KIAA1217: variants seen among roughly 807,000 people sequenced by gnomAD.
KIAA1217 encodes KIAA1217.
Under a neutral mutation model 163.9 loss-of-function variants are expected in KIAA1217, and 88 were observed. The ratio of observed to expected loss-of-function variants is 0.54; its 90% CI spans 0.45 to 0.64. The LOEUF (loss-of-function observed/expected upper bound fraction) is 0.64. Ranked by LOEUF, KIAA1217 falls within the 30% of genes least tolerant of loss-of-function variation. The pLI, the probability that KIAA1217 is intolerant of heterozygous loss-of-function variation, is 0.00. For missense variants in KIAA1217, 2,372 were observed against 2,475.0 expected (o/e 0.96, Z 0.88); for synonymous variants, 903 against 923.1 (o/e 0.98, Z 0.39).
intron 2 of KIAA1217, among the ~76,000 whole-genome samples, chr10:24,309,166 G>A (rs1240071368): frequency 7.3e-6 from 1 of 136,474 alleles, no homozygotes; most frequent in Non-Finnish European, 1.6e-5. Flanking sequence ...GGGAGGGAGG[G>A]AGGGAAGGAG....
intron 2 of KIAA1217, among the ~76,000 whole-genome samples, chr10:24,086,781 G>T (rs1442327358): frequency 6.6e-6 from 1 of 152,126 alleles, no homozygotes; most frequent in Non-Finnish European, 1.5e-5. Context: ...ATCATTATAG[G>T]CATTAAAATA....
At chr10:24,438,250 C>A in intron 4 of KIAA1217, 136 bp from the exon 5 acceptor site, 1 of 611,806 alleles carries the variant, frequency 1.6e-6, no homozygotes, top group Non-Finnish European at 3.0e-6. Flanking sequence ...GGTCACATAG[C>A]TTTTGACTGG....
intron 2 of KIAA1217, among the ~76,000 whole-genome samples, chr10:24,301,513 C>G (rs879382989): frequency 6.6e-6 from 1 of 152,118 alleles, no homozygotes; most frequent in Non-Finnish European, 1.5e-5. Flanking sequence ...CAGGGCCCCA[C>G]GCACCTTCTA....
Position 24,495,167 on chromosome 10 carries a change from C to T in KIAA1217, c.1805C>T (p.Thr602Ile), listed in dbSNP as rs2066636363. 1 of 1,612,844 alleles carries T rather than the reference C, an allele frequency of 6.2e-7. No homozygotes were observed. The highest frequency in any genetic ancestry group is 8.5e-7 in the Non-Finnish European group (1 of 1,179,736). The change falls in exon 8 of 21, where the codon ACA becomes ATA. Residue 602 changes from threonine to isoleucine, a missense_variant. Thr to Ile is a moderately conservative substitution (Grantham distance 89). This residue lies in a region of KIAA1217 where 1,431 missense variants were observed against 1,470.3 expected (regional missense o/e 0.97). Coordinates refer to ENST00000376454, the MANE Select transcript of KIAA1217 (RefSeq NM_019590.5). ...TTCAGCGAGAAAATGATGAAAACCA[C>T]AGCCAACAGGAACCACACAGATAGT... ...DASSEKMMKT[T>I]ANRNHTDSAG...
chr10:24,403,379 C>G (rs993832852), intron 3 of KIAA1217, among the ~76,000 whole-genome samples: 13 of 152,304 alleles, frequency 8.5e-5, no homozygotes, highest in Admixed American at 2.6e-4. Context: ...GCTGGGATTA[C>G]AGACATGTGC....
chr10:24,192,803 G>A (rs1272611573), intron 2 of KIAA1217, among the ~76,000 whole-genome samples: 1 of 152,182 alleles, frequency 6.6e-6, no homozygotes, highest in African/African-American at 2.4e-5. Context: ...TTTTGAGACA[G>A]GATCTCACTC....
At chr10:24,172,125 AG>A (rs1219981750) in intron 2 of KIAA1217, among the ~76,000 whole-genome samples, 2 of 152,218 alleles carry the variant, frequency 1.3e-5, no homozygotes, top group Non-Finnish European at 2.9e-5. Flanking sequence ...AATTCACACA[AG>A]GTAGTACAGA....
chr10:24,253,905 ACT>A (rs922346596), intron 2 of KIAA1217, among the ~76,000 whole-genome samples: 8 of 151,894 alleles, frequency 5.3e-5, no homozygotes, highest in Non-Finnish European at 8.8e-5. Flanking sequence ...ACAGAGTGAG[ACT>A]CTGTCTCAAA....
chr10:24,092,160 C>T (rs1360990344), intron 2 of KIAA1217, among the ~76,000 whole-genome samples: 1 of 151,584 alleles, frequency 6.6e-6, no homozygotes, highest in Non-Finnish European at 1.5e-5. Context: ...CTCTGACAAC[C>T]CTTCCCTCCC....
At chr10:23,845,451 T>A (rs1315898869) in intron 1 of KIAA1217, among the ~76,000 whole-genome samples, 3 of 152,344 alleles carry the variant, frequency 2.0e-5, no homozygotes, top group Non-Finnish European at 2.9e-5. Flanking sequence ...AGATGGTATC[T>A]CATTGTGGTT....
intron 10 of KIAA1217, among the ~76,000 whole-genome samples, chr10:24,517,815 C>T (rs186642753): frequency 4.6e-5 from 7 of 152,074 alleles, no homozygotes; most frequent in Admixed American, 1.3e-4. Flanking sequence ...GCCAACATGG[C>T]GAATCCCTAT....
At chr10:24,186,616 C>T (rs182240662) in intron 2 of KIAA1217, among the ~76,000 whole-genome samples, 9 of 152,288 alleles carry the variant, frequency 5.9e-5, no homozygotes, top group Admixed American at 5.2e-4. Flanking sequence ...TCTGGCCAGG[C>T]ACAGTGGCTC....
chr10:23,844,235 C>A (rs983982785), intron 1 of KIAA1217, among the ~76,000 whole-genome samples: 1 of 152,102 alleles, frequency 6.6e-6, no homozygotes, highest in South Asian at 2.1e-4. Flanking sequence ...GATTAGAATC[C>A]AGCTTTCTAC....
intron 1 of KIAA1217, among the ~76,000 whole-genome samples, chr10:23,728,414 A>G (rs1166743915): frequency 2.0e-5 from 3 of 152,012 alleles, no homozygotes; most frequent in Non-Finnish European, 4.4e-5. Flanking sequence ...TCTAATGACC[A>G]GTGATGATGA....
intron 2 of KIAA1217, among the ~76,000 whole-genome samples, chr10:24,089,651 C>T (rs2061848732): frequency 6.6e-6 from 1 of 151,902 alleles, no homozygotes; most frequent in Middle Eastern, 3.4e-3. Context: ...TTCCATTGGT[C>T]TGTATCTCTG....
intron 1 of KIAA1217, among the ~76,000 whole-genome samples, chr10:24,003,839 A>G (rs1846866576): frequency 6.6e-6 from 1 of 152,226 alleles, no homozygotes; most frequent in Non-Finnish European, 1.5e-5. Context: ...TATTGTTTCC[A>G]AAGTATTTTA....
At chr10:24,309,033 G>A (rs2042316202) in intron 2 of KIAA1217, among the ~76,000 whole-genome samples, 1 of 151,496 alleles carries the variant, frequency 6.6e-6, no homozygotes, top group South Asian at 2.1e-4. Flanking sequence ...TGAGGTCGGA[G>A]GATCACTTGA....
intron 2 of KIAA1217, among the ~76,000 whole-genome samples, chr10:24,222,911 T>C (rs375387045): frequency 2.2e-4 from 34 of 152,330 alleles, no homozygotes; most frequent in African/African-American, 7.7e-4. Flanking sequence ...TTCTTGATGA[T>C]ATGCTAAACA....
intron 2 of KIAA1217, among the ~76,000 whole-genome samples, chr10:24,080,161 TG>T (rs1478057314): frequency 6.6e-6 from 1 of 152,230 alleles, no homozygotes; most frequent in Non-Finnish European, 1.5e-5. Context: ...TTCTCATTTC[TG>T]TTTAAGGTTT....
Sources: gnomAD v4.1 joint callset for allele counts (sites outside exome capture counted in the v4.1 genomes callset) on GRCh38, gnomAD v4.1.1 for gene constraint, gnomAD v4.1.1 regional missense constraint, MANE v1.5 for transcripts, NCBI Gene and HGNC (gene_info 2026-07-23, HGNC 2026-07-21) for gene names.